SMURF1: variants seen among roughly 807,000 people sequenced by gnomAD.
SMURF1 encodes E3 ubiquitin-protein ligase SMURF1.
Under a neutral mutation model 98.0 loss-of-function variants are expected in SMURF1, and 44 were observed. The ratio of observed to expected loss-of-function variants is 0.45; its 90% CI spans 0.35 to 0.58. SMURF1 has a LOEUF of 0.58. SMURF1 is among the 20% of genes least tolerant of loss of function. The pLI, the probability that SMURF1 is intolerant of heterozygous loss-of-function variation, is 0.00. For missense variants in SMURF1, 687 were observed against 938.4 expected, an observed-to-expected ratio of 0.73 and a Z score of 3.50; for synonymous variants, 396 against 374.9, an observed-to-expected ratio of 1.06 and a Z score of -0.65.
At chr7:99,086,931 G>C (rs1166512410) in intron 1 of SMURF1, among the ~76,000 whole-genome samples, 1 of 152,214 alleles carries the variant, frequency 6.6e-6, no homozygotes, top group Non-Finnish European at 1.5e-5. Flanking sequence ...GGGAGTGACT[G>C]CTGAAATATG....
At chr7:99,055,897 C>G in intron 5 of SMURF1, among the ~76,000 whole-genome samples, 1 of 152,060 alleles carries the variant, frequency 6.6e-6, no homozygotes, top group Non-Finnish European at 1.5e-5. Flanking sequence ...ACGCGGGAGG[C>G]GGAGGTTGCA....
chr7:99,033,428 C>A (rs895630840), intron 16 of SMURF1, among the ~76,000 whole-genome samples: 6 of 152,204 alleles, frequency 3.9e-5, no homozygotes, highest in African/African-American at 1.4e-4. Context: ...CTCCTGCCTC[C>A]CGAGTAGCTG....
At chr7:99,043,502 A>G (rs530193016) in intron 11 of SMURF1, among the ~76,000 whole-genome samples, 2 of 152,220 alleles carry the variant, frequency 1.3e-5, no homozygotes, top group South Asian at 4.1e-4. Context: ...ATTCACAACG[A>G]CCCATCTCCA....
At chr7:99,087,092 G>C (rs1796697730) in intron 1 of SMURF1, among the ~76,000 whole-genome samples, 2 of 152,174 alleles carry the variant, frequency 1.3e-5, no homozygotes, top group African/African-American at 4.8e-5. Context: ...TAAATGTACT[G>C]GGTGCAGTGG....
chr7:99,090,583 C>T (rs1452691909), intron 1 of SMURF1, among the ~76,000 whole-genome samples: 1 of 152,170 alleles, frequency 6.6e-6, no homozygotes, highest in Non-Finnish European at 1.5e-5. Flanking sequence ...AAATTAATCT[C>T]TGCCTTCTGT....
chr7:99,130,976 G>A (rs1319135280), intron 1 of SMURF1, among the ~76,000 whole-genome samples: 1 of 152,214 alleles, frequency 6.6e-6, no homozygotes, highest in African/African-American at 2.4e-5. Flanking sequence ...GGACTGAGCT[G>A]TTGAAGAAGC....
At chr7:99,098,843 C>T (rs944072210) in intron 1 of SMURF1, among the ~76,000 whole-genome samples, 1 of 152,156 alleles carries the variant, frequency 6.6e-6, no homozygotes, top group Non-Finnish European at 1.5e-5. Context: ...AAGGAGGTTA[C>T]TCTGCATCAT....
intron 1 of SMURF1, among the ~76,000 whole-genome samples, chr7:99,094,571 C>G (rs1167407881): frequency 6.6e-6 from 1 of 151,454 alleles, no homozygotes; most frequent in East Asian, 1.9e-4. Context: ...GCAGTGACAT[C>G]TTATAGCATG....
intron 1 of SMURF1, among the ~76,000 whole-genome samples, chr7:99,095,812 T>C (rs1796945423): frequency 6.6e-6 from 1 of 152,214 alleles, no homozygotes; most frequent in African/African-American, 2.4e-5. Context: ...AAGTACCATC[T>C]GCTCAGTGGC....
intron 1 of SMURF1, among the ~76,000 whole-genome samples, chr7:99,106,647 G>A (rs1385455774): frequency 6.6e-6 from 1 of 152,198 alleles, no homozygotes; most frequent in Non-Finnish European, 1.5e-5. Flanking sequence ...GGGAGCAGTG[G>A]TGTATGCCTG....
chr7:99,113,433 C>A (rs551496897), intron 1 of SMURF1, among the ~76,000 whole-genome samples: 1 of 152,264 alleles, frequency 6.6e-6, no homozygotes, highest in South Asian at 2.1e-4. Flanking sequence ...CAGAACTATC[C>A]TTCAAATACA....
At chr7:99,089,483 A>G (rs1488345030) in intron 1 of SMURF1, among the ~76,000 whole-genome samples, 1 of 151,822 alleles carries the variant, frequency 6.6e-6, no homozygotes, top group African/African-American at 2.4e-5. Context: ...TACAAAAAAA[A>G]TACAAAAATT....
At chr7:99,037,713 CAGG>C (rs1795201354) in intron 14 of SMURF1, among the ~76,000 whole-genome samples, 1 of 152,156 alleles carries the variant, frequency 6.6e-6, no homozygotes, top group South Asian at 2.1e-4. Flanking sequence ...CTCGCGAAAA[CAGG>C]AGGATTGAAC....
At chr7:99,080,948 C>T (rs1796566077) in intron 1 of SMURF1, 1 of 152,238 alleles carries the variant, frequency 6.6e-6, no homozygotes, top group African/African-American at 2.4e-5. Flanking sequence ...AAGAGATCTC[C>T]AAGCCTCAGT....
chr7:99,121,328 C>T (rs1797617118), intron 1 of SMURF1: 1 of 151,320 alleles, frequency 6.6e-6, no homozygotes, highest in African/African-American at 2.4e-5. Flanking sequence ...AAGAGTAAAG[C>T]TGATCCATTT....
At chr7:99,067,976 G>A (rs1282417138) in intron 1 of SMURF1, among the ~76,000 whole-genome samples, 2 of 152,026 alleles carry the variant, frequency 1.3e-5, no homozygotes, top group Non-Finnish European at 2.9e-5. Context: ...TACTACTTGT[G>A]GTTTCACCCA....
At chr7:99,056,381 C>T (rs1795876066) in intron 5 of SMURF1, among the ~76,000 whole-genome samples, 1 of 152,024 alleles carries the variant, frequency 6.6e-6, no homozygotes, top group Non-Finnish European at 1.5e-5. Context: ...AGTTATTTAA[C>T]AGCTAAATCA....
chr7:99,057,435 C>T lies in SMURF1; in HGVS notation c.320G>A (p.Arg107Lys). ...GTTCTTACATCCGGTATCTTTTAAT[C>T]TGCTGATGGCATTGGAGAGCAGCCG... ...CVRLLSNAIS[R>K]LKDTGYQRLD... is the part of the protein sequence containing the mutation. Residue 107 changes from arginine to lysine, a missense_variant, in exon 4 of 18, where the codon AGA (arginine) becomes AAA (lysine). By Grantham distance (26) the Arg-to-Lys change is conservative. This residue lies in a region of SMURF1 where 415 missense variants were observed against 508.4 expected (regional missense o/e 0.82). Transcript: ENST00000361368. 6.2e-7 allele frequency: 1 copy of T among 1,609,930 alleles called. No individual in the cohort carries two copies. The highest frequency in any genetic ancestry group is 8.5e-7 in the Non-Finnish European group (1 of 1,179,120).
chr7:99,039,631 G>C (rs978220934), intron 13 of SMURF1, among the ~76,000 whole-genome samples: 3 of 152,180 alleles, frequency 2.0e-5, no homozygotes, highest in Non-Finnish European at 4.4e-5. Context: ...GCCCCACAAA[G>C]TGCTGGGATA....
Sources: gnomAD v4.1 joint callset for allele counts (sites outside exome capture counted in the v4.1 genomes callset) on GRCh38, gnomAD v4.1.1 for gene constraint, gnomAD v4.1.1 regional missense constraint, MANE v1.5 for transcripts, NCBI Gene and HGNC (gene_info 2026-07-23, HGNC 2026-07-21) for gene names.